The following MSH6 variants were observed in gnomAD, a reference collection of about 807,000 sequenced individuals.
MSH6 encodes the protein DNA mismatch repair protein Msh6.
In MSH6, 85 loss-of-function variants were observed where a neutral mutation model predicts 119.1. The ratio of observed to expected loss-of-function variants is 0.71; its 90% CI spans 0.60 to 0.85. The LOEUF (loss-of-function observed/expected upper bound fraction) is 0.85, where lower values mean the gene tolerates loss of function less well. Ranked by LOEUF, MSH6 falls within the 40% of genes least tolerant of loss-of-function variation. The probability of loss-of-function intolerance (pLI) is 0.00; values close to 1 mark genes in which losing one functional copy is unlikely to be tolerated. For missense variants in MSH6, 2,163 were observed against 1,655.3 expected, an observed-to-expected ratio of 1.31 and a Z score of -5.32; for synonymous variants, 830 against 586.9, an observed-to-expected ratio of 1.41 and a Z score of -5.99.
At chr2:47,783,990 C>A in intron 1 of MSH6, 1 of 1,030,598 alleles carries the variant, frequency 9.7e-7, no homozygotes, top group African/African-American at 1.7e-5. Context: ...GGAGGTTCCT[C>A]GGCCGGCGCG....
intron 4 of MSH6, chr2:47,801,365 T>TTG: frequency 2.2e-6 from 1 of 446,394 alleles, no homozygotes; most frequent in African/African-American, 2.5e-5. Context: ...TCTTCAGTTT[T>TTG]TTTTTTTTTT....
chr2:47,792,846 GTTTT>G (rs11335797), intron 2 of MSH6, among the ~76,000 whole-genome samples: 2,441 of 114,376 alleles, frequency 0.021, 62 homozygotes, highest in African/African-American at 0.071. Context: ...TTTTTATATA[GTTTT>G]TTTTTTTTTT....
chr2:47,789,507 T>C lies in MSH6; in HGVS notation c.261-1420T>C, dbSNP rs780606029. The C allele has an allele frequency of 1.7e-4, 76 of 438,534 alleles. 1 individual carries two copies. The highest frequency in any genetic ancestry group is 1.7e-3 in the Admixed American group (56 of 33,474). The allele number at this position is 438,534 out of a possible 1,614,324, so 27.2% of individuals were successfully genotyped here. A position where few individuals can be genotyped will look rare whatever the true frequency, so the allele number is the denominator to read the frequency against. ...TAGAAATGAAATAATTCTTTTCTAA[T>C]GATCTTTTAAAGCATGAGACCTCAT... On this transcript the variant is annotated intron_variant, in intron 1 of 9. Coordinates refer to ENST00000234420, the MANE Select transcript of MSH6 (RefSeq NM_000179.3).
downstream of MSH6, chr2:47,807,071 C>CACTT (rs1320280617): frequency 1.8e-6 from 1 of 557,552 alleles, no homozygotes; most frequent in Non-Finnish European, 3.2e-6. Context: ...TACATGCATA[C>CACTT]ACTTTCAGGC....
chr2:47,806,274 A>C lies in MSH6; in HGVS notation c.3717A>C (p.Ile1239=). ...TTGTTAAAGAACTTGCTGAGACTAT[A>C]AAATGTCGTACATTATTTTCAACTC... is the stretch of plus-strand genomic sequence containing the variant. The part of the protein sequence containing the change: ...NAVVKELAET[I]KCRTLFSTHY... The change falls in exon 8 of 10, where the codon ATA becomes ATC. Residue 1239 remains isoleucine (I), a synonymous_variant. Transcript: ENST00000234420. The C allele has an allele frequency of 6.2e-7, 1 of 1,614,114 alleles. No homozygotes were observed. The highest frequency in any genetic ancestry group is 8.5e-7 in the Non-Finnish European group (1 of 1,179,950).
chr2:47,806,667 T>A lies in MSH6; in HGVS notation c.4001+16T>A, dbSNP rs775091710. The A allele has an allele frequency of 3.1e-6, 5 of 1,600,344 alleles. No individual in the cohort carries two copies. The Admixed American group carries it at 8.4e-5, about 27-fold the overall frequency. On this transcript the variant is annotated intron_variant, in intron 9 of 9. Coordinates refer to ENST00000234420, the MANE Select transcript of MSH6 (RefSeq NM_000179.3). ...GATTATTTCGGTAACTAACTAACTA[T>A]AATGGAATTATAACTAACTGACCTT...
rs763146296 is a variant in MSH6, at chr2:47,800,949, A to G, written c.2966A>G (p.Asn989Ser). The change falls in exon 4 of 10, where the codon AAT (asparagine) becomes AGT (serine). Residue 989 changes from asparagine to serine, a missense_variant. Physicochemically the swap from Asn to Ser is conservative, Grantham distance 46 (BLOSUM62 1). Transcript: ENST00000234420. ...LEIPENFTTRNLPEEYELKST... is the reference protein window; with the variant it reads ...LEIPENFTTRSLPEEYELKST... Reference sequence around the variant, plus strand: ...ATTCCTGAGAATTTCACCACTCGCAATTTGCCAGAAGAATACGAGTTGAAA... The same window carrying G: ...ATTCCTGAGAATTTCACCACTCGCAGTTTGCCAGAAGAATACGAGTTGAAA... 5 of 1,571,416 alleles carry G rather than the reference A, an allele frequency of 3.2e-6. No individual in the cohort carries two copies. Among genetic ancestry groups the G allele is most frequent in the African/African-American group, 1.4e-5 (1 of 73,206 alleles).
chr2:47,799,298 G>A lies in MSH6; in HGVS notation c.1315G>A (p.Asp439Asn), dbSNP rs2104335686. The change falls in exon 4 of 10, where the codon GAT (aspartate) becomes AAT (asparagine). Residue 439 changes from aspartate to asparagine, a missense_variant. Physicochemically the swap from Asp to Asn is conservative, Grantham distance 23. Coordinates refer to ENST00000234420, the MANE Select transcript of MSH6 (RefSeq NM_000179.3). ...VGKFYELYHM[D>N]ALIGVSELGL... is the part of the protein sequence containing the mutation. ...GAAATTTTATGAGCTGTACCACATG[G>A]ATGCTCTTATTGGAGTCAGTGAACT... is the stretch of plus-strand genomic sequence containing the variant. 1 of 1,613,932 alleles carries A rather than the reference G, an allele frequency of 6.2e-7. No individual in the cohort carries two copies. Among genetic ancestry groups the A allele is most frequent in the East Asian group, 2.2e-5 (1 of 44,888 alleles).
Position 47,783,211 on chromosome 2 carries a change from G to C in MSH6, c.-23G>C, listed in dbSNP as rs1668105864. On this transcript the variant is annotated 5_prime_UTR_variant, in exon 1 of 10. Coordinates refer to ENST00000234420, the MANE Select transcript of MSH6 (RefSeq NM_000179.3). ...TTTAGGAGCTCCGTCCGACAGAACG[G>C]TTGGGCCTTGCCGGCTGTCGGTATG... The C allele has an allele frequency of 1.9e-6, 3 of 1,611,046 alleles. No homozygotes were observed. Among genetic ancestry groups the C allele is most frequent in the Non-Finnish European group, 2.5e-6 (3 of 1,179,262 alleles).
At chr2:47,805,201 A>G (rs1022482540) in intron 6 of MSH6, among the ~76,000 whole-genome samples, 174 bp downstream of exon 6, 104 of 144,740 alleles carry the variant, frequency 7.2e-4, no homozygotes, top group African/African-American at 2.7e-3. Flanking sequence ...TTTTTTTGAG[A>G]TGGAGTTTCC....
chr2:47,784,012 T>C (rs1572699460), intron 1 of MSH6: 2 of 1,022,704 alleles, frequency 2.0e-6, no homozygotes, highest in South Asian at 4.6e-5. Context: ...AGATAGTGAG[T>C]TGGGGCTCCA....
chr2:47,803,737 A>G (rs2104488536), intron 5 of MSH6, 52 bp downstream of exon 5: 3 of 1,604,884 alleles, frequency 1.9e-6, no homozygotes, highest in South Asian at 1.1e-5. Context: ...GACATTAGGA[A>G]TAACATACTT....
downstream of MSH6, chr2:47,809,335 G>T: frequency 9.8e-7 from 1 of 1,021,092 alleles, no homozygotes; most frequent in Non-Finnish European, 1.4e-6. Flanking sequence ...AAGATTATAG[G>T]ATTATTCTAA....
chr2:47,809,659 A>C, downstream of MSH6: 1 of 1,613,684 alleles, frequency 6.2e-7, no homozygotes, highest in Non-Finnish European at 8.5e-7. Context: ...GTTGTTAAAA[A>C]TCTGATTGCC....
chr2:47,796,267 C>G (rs993795528), intron 3 of MSH6, among the ~76,000 whole-genome samples: 1 of 152,298 alleles, frequency 6.6e-6, no homozygotes, highest in Admixed American at 6.5e-5. Flanking sequence ...ATCGTTTTTA[C>G]TTAGGTTTTC....
At chr2:47,794,133 G>C (rs1158869399) in intron 2 of MSH6, among the ~76,000 whole-genome samples, 2 of 151,156 alleles carry the variant, frequency 1.3e-5, no homozygotes, top group Non-Finnish European at 2.9e-5. Context: ...CTGAGGTCAG[G>C]AGTTGCAGAC....
At chr2:47,793,317 T>C (rs1668856068) in intron 2 of MSH6, among the ~76,000 whole-genome samples, 1 of 31,532 alleles carries the variant, frequency 3.2e-5, no homozygotes, top group African/African-American at 1.3e-4. Flanking sequence ...CGAGACTGTC[T>C]CAAAAAAAAA....
At chr2:47,805,369 C>T (rs1334367178) in intron 6 of MSH6, among the ~76,000 whole-genome samples, 1 of 151,994 alleles carries the variant, frequency 6.6e-6, no homozygotes, top group Non-Finnish European at 1.5e-5. Context: ...TTAGTAGAAG[C>T]GGGGTTTCAC....
intron 5 of MSH6, 109 bp from the exon 6 acceptor site, chr2:47,804,801 A>G (rs1375370994): frequency 4.8e-6 from 4 of 830,186 alleles, no homozygotes; most frequent in Admixed American, 1.7e-5. Flanking sequence ...TGTGATTGTG[A>G]AAGTTGTTTT....
Sources: gnomAD v4.1 joint callset for allele counts (sites outside exome capture counted in the v4.1 genomes callset) on GRCh38, gnomAD v4.1.1 for gene constraint, MANE v1.5 for transcripts, NCBI Gene and HGNC (gene_info 2026-07-23, HGNC 2026-07-21) for gene names.